HECW2: variants seen among roughly 807,000 people sequenced by gnomAD.
HECW2 encodes the protein E3 ubiquitin-protein ligase HECW2.
HECW2 carries 61 observed loss-of-function variants against 175.2 expected under a neutral mutation model. That is an observed-to-expected ratio of 0.35 (90% CI 0.28 to 0.43). HECW2 has a LOEUF of 0.43. HECW2 is among the 20% of genes least tolerant of loss of function. The pLI is 1.00. For missense variants in HECW2, 1,524 were observed against 2,000.5 expected, an observed-to-expected ratio of 0.76 and a Z score of 4.54; for synonymous variants, 671 against 731.0, an observed-to-expected ratio of 0.92 and a Z score of 1.32.
intron 2 of HECW2, among the ~76,000 whole-genome samples, chr2:196,397,178 T>C (rs1281710082): frequency 6.6e-6 from 1 of 151,932 alleles, no homozygotes; most frequent in Non-Finnish European, 1.5e-5. Context: ...TTGGGAATTC[T>C]TCTACATATG....
At chr2:196,510,453 A>C (rs1209331941) in intron 1 of HECW2, among the ~76,000 whole-genome samples, 1 of 152,208 alleles carries the variant, frequency 6.6e-6, no homozygotes, top group Non-Finnish European at 1.5e-5. Context: ...AACCAGAGAA[A>C]CAGGAAAATC....
In HECW2 at chr2:196,218,878, C is replaced by T. The variant is rs1371408033; in HGVS notation, c.4408+1161G>A. The stretch of plus-strand genomic sequence containing the variant: ...GCCAACTGGAAAATACTTATTTCAG[C>T]AATTGGACTTCAGAAATAGAAGCAA... On this transcript the variant is annotated intron_variant, in intron 26 of 28. Transcript: ENST00000644978. Among the ~76,000 whole-genome samples, 3 of 152,234 alleles carry T rather than the reference C, an allele frequency of 2.0e-5. No homozygotes were observed. The South Asian group carries it at 6.2e-4, about 32-fold the overall frequency.
rs1290697263 is a variant in HECW2, at chr2:196,195,266, C to T, written c.*6011G>A. 6.6e-6 allele frequency: 1 copy of T among 152,158 alleles called. No individual in the cohort carries two copies. Among genetic ancestry groups the T allele is most frequent in the African/African-American group, 2.4e-5 (1 of 41,428 alleles). The allele number at this position is 152,158 out of a possible 1,614,324, so 9.4% of individuals were successfully genotyped here. ...AGTAACCAGAAGTTGACTGATGGTTCCTTACCTGCATCAGTAATAGCTGAT... is the reference window on the plus strand; with the variant it reads ...AGTAACCAGAAGTTGACTGATGGTTTCTTACCTGCATCAGTAATAGCTGAT... On this transcript the variant is annotated 3_prime_UTR_variant, in exon 29 of 29. Coordinates refer to ENST00000644978, the MANE Select transcript of HECW2 (RefSeq NM_001348768.2).
chr2:196,434,604 C>T (rs527800331), intron 1 of HECW2, among the ~76,000 whole-genome samples: 3 of 152,350 alleles, frequency 2.0e-5, no homozygotes, highest in African/African-American at 7.2e-5. Flanking sequence ...CATTACCTCA[C>T]TCGGATCTCA....
chr2:196,477,034 T>C (rs1686655502), intron 1 of HECW2, among the ~76,000 whole-genome samples: 1 of 150,218 alleles, frequency 6.7e-6, no homozygotes, highest in Non-Finnish European at 1.5e-5. Context: ...TCCTAGCTAC[T>C]TGGGAGGCTG....
intron 2 of HECW2, among the ~76,000 whole-genome samples, chr2:196,397,129 CAAAACA>C (rs1219781575): frequency 1.2e-4 from 2 of 17,122 alleles, no homozygotes; most frequent in Non-Finnish European, 3.3e-4. Context: ...CAAAACAAAA[CAAAACA>C]AAAAAAAAAA....
At chr2:196,332,879 G>A (rs972768235) in intron 4 of HECW2, among the ~76,000 whole-genome samples, 4 of 152,058 alleles carry the variant, frequency 2.6e-5, no homozygotes, top group African/African-American at 4.8e-5. Flanking sequence ...TATTCTCTTT[G>A]TGACCTTCAA....
chr2:196,306,037 A>G (rs1691246574), intron 13 of HECW2, among the ~76,000 whole-genome samples: 1 of 152,152 alleles, frequency 6.6e-6, no homozygotes, highest in Non-Finnish European at 1.5e-5. Context: ...ATATAATAGT[A>G]TTAGGAGATG....
chr2:196,443,576 C>T (rs557889610), intron 1 of HECW2, among the ~76,000 whole-genome samples: 2 of 152,282 alleles, frequency 1.3e-5, no homozygotes, highest in African/African-American at 4.8e-5. Context: ...AAAATGAAAG[C>T]CAAAACTTCA....
chr2:196,336,872 C>T (rs1447964058), intron 3 of HECW2, among the ~76,000 whole-genome samples: 1 of 151,514 alleles, frequency 6.6e-6, no homozygotes, highest in Middle Eastern at 3.4e-3. Flanking sequence ...AGCTGTGTGT[C>T]GCAGGAACAA....
chr2:196,329,042 C>G (rs1692259373), intron 5 of HECW2, among the ~76,000 whole-genome samples: 1 of 151,792 alleles, frequency 6.6e-6, no homozygotes, highest in South Asian at 2.1e-4. Context: ...ATCAAACTTA[C>G]AAACTGGAAA....
intron 21 of HECW2, among the ~76,000 whole-genome samples, chr2:196,229,655 G>C (rs1054001719): frequency 6.6e-6 from 1 of 152,188 alleles, no homozygotes; most frequent in African/African-American, 2.4e-5. Flanking sequence ...CTCCAGCCCA[G>C]GTGATGGAGA....
chr2:196,460,511 C>A (rs1330462193), intron 1 of HECW2, among the ~76,000 whole-genome samples: 1 of 145,628 alleles, frequency 6.9e-6, no homozygotes, highest in Non-Finnish European at 1.5e-5. Flanking sequence ...TGCATGTATT[C>A]ATTTAGCTTT....
intron 2 of HECW2, among the ~76,000 whole-genome samples, chr2:196,359,031 C>T (rs1277120845): frequency 6.6e-6 from 1 of 152,162 alleles, no homozygotes; most frequent in Non-Finnish European, 1.5e-5. Flanking sequence ...ACAATGAAAC[C>T]AGGACCTTGA....
At chr2:196,553,509 G>C (rs1186562225) in intron 1 of HECW2, among the ~76,000 whole-genome samples, 2 of 152,214 alleles carry the variant, frequency 1.3e-5, no homozygotes, top group Admixed American at 1.3e-4. Context: ...CAAGTAAGCA[G>C]AGCATTACAA....
intron 2 of HECW2, among the ~76,000 whole-genome samples, chr2:196,421,777 A>G (rs1695413052): frequency 6.6e-6 from 1 of 152,184 alleles, no homozygotes; most frequent in South Asian, 2.1e-4. Context: ...TGTTTCTAGA[A>G]TCATCTCAAT....
intron 2 of HECW2, among the ~76,000 whole-genome samples, chr2:196,422,076 T>C (rs1695421253): frequency 6.6e-6 from 1 of 152,274 alleles, no homozygotes; most frequent in South Asian, 2.1e-4. Flanking sequence ...GCACTGTCCT[T>C]GGTACTGCCC....
intron 28 of HECW2, among the ~76,000 whole-genome samples, chr2:196,210,042 C>T (rs1037120167): frequency 5.9e-5 from 9 of 152,128 alleles, no homozygotes; most frequent in Non-Finnish European, 1.0e-4. Flanking sequence ...GGATTACAGG[C>T]GTGAGCCACT....
At chr2:196,492,598 AGT>A (rs1311290769) in intron 1 of HECW2, among the ~76,000 whole-genome samples, 3 of 152,196 alleles carry the variant, frequency 2.0e-5, no homozygotes, top group Non-Finnish European at 4.4e-5. Flanking sequence ...AAGGGGCGGG[AGT>A]GGAATCCTTA....
Sources: allele counts gnomAD v4.1 joint callset (sites outside exome capture counted in the v4.1 genomes callset), GRCh38; gene constraint gnomAD v4.1.1; transcripts MANE v1.5; gene names NCBI Gene and HGNC (gene_info 2026-07-23, HGNC 2026-07-21).